EFS: variants seen among roughly 807,000 people sequenced by gnomAD.
EFS encodes embryonal Fyn-associated substrate.
In EFS, 34 loss-of-function variants were observed where a neutral mutation model predicts 42.2. The ratio of observed to expected loss-of-function variants is 0.81; its 90% confidence interval spans 0.61 to 1.07. The LOEUF (loss-of-function observed/expected upper bound fraction) is 1.07. Ranked by LOEUF, EFS falls within the 50% of genes least tolerant of loss-of-function variation. The probability of loss-of-function intolerance (pLI) is 0.00; values close to 1 mark genes in which losing one functional copy is unlikely to be tolerated. For synonymous variants in EFS, 299 were observed against 320.7 expected, an observed-to-expected ratio of 0.93 and a Z score of 0.72; for missense variants, 717 against 729.4, an observed-to-expected ratio of 0.98 and a Z score of 0.20.
rs768161511 is a variant in EFS at position 23,360,643 on chromosome 14, G to A, written c.209C>T (p.Pro70Leu). The A allele has an allele frequency of 2.2e-5, 35 of 1,611,452 alleles. No individual in the cohort carries two copies. The highest frequency in any genetic ancestry group is 2.2e-5 in the East Asian group (1 of 44,876). The stretch of plus-strand genomic sequence containing the variant: ...AGGAGAGAGGCTGGGCTTGGGTGCT[G>A]GGCCAGCAGGCAAGAGCTTCACCCT... The part of the protein sequence containing the change: ...ANRVKLLPAG[P>L]APKPSLSPAS... The change falls in exon 2 of 6, where the codon CCA (proline) becomes CTA (leucine). Residue 70 changes from proline to leucine, a missense_variant. Transcript: ENST00000216733.
rs372118594 is a variant in EFS at position 23,360,838 on chromosome 14, T to G, written c.19-5A>C. On this transcript the variant is annotated splice_polypyrimidine_tract_variant and splice_region_variant and intron_variant, in intron 1 of 5. Transcript: ENST00000216733. ...CAGTGCCCGGGCCAGCTGGGTCTGG[T>G]TGGGGAGGTGGGAGTGGGGAGAAGG... 2 of 1,606,798 alleles carry G rather than the reference T, an allele frequency of 1.2e-6. No homozygotes were observed. The highest frequency in any genetic ancestry group is 4.5e-5 in the East Asian group (2 of 44,776).
At position 23,358,904 on chromosome 14, in the gene EFS, A is replaced by C; in HGVS notation, c.1223T>G (p.Leu408Arg). 1 of 1,612,608 alleles carries C rather than the reference A, an allele frequency of 6.2e-7. No individual in the cohort carries two copies. The highest frequency in any genetic ancestry group is 8.5e-7 in the Non-Finnish European group (1 of 1,179,362). Reference sequence around the variant, plus strand: ...CGGCGCCGGCATCCCCCTCTCGGGCAGTTCAGGATCCCCTGTGCAGGCCTG... The same window carrying C: ...CGGCGCCGGCATCCCCCTCTCGGGCCGTTCAGGATCCCCTGTGCAGGCCTG... The part of the protein sequence containing the change: ...PDQACTGDPE[L>R]PERGMPAPQE... The change falls in exon 5 of 6, where the codon CTG becomes CGG. Residue 408 changes from leucine to arginine, a missense_variant. Physicochemically the swap from Leu to Arg is moderately radical, Grantham distance 102. Coordinates refer to ENST00000216733, the MANE Select transcript of EFS (RefSeq NM_005864.4).
intron 1 of EFS, among the ~76,000 whole-genome samples, chr14:23,364,202 C>T (rs562119490): frequency 6.6e-6 from 1 of 152,286 alleles, no homozygotes; most frequent in Non-Finnish European, 1.5e-5. Context: ...GGCTGTAGAG[C>T]GCTCCTCCCG....
Position 23,357,229 on chromosome 14 carries a change from T to C in EFS, c.1683A>G (p.Pro561=). 6.5e-7 allele frequency: 1 copy of C among 1,539,206 alleles called. No individual in the cohort carries two copies. Residue 561 remains proline (P), a synonymous_variant, in exon 6 of 6, where the codon CCA becomes CCG. Transcript: ENST00000216733. ...GCAGAGCTGTGCCAAAGGACCTTCATGGAGCCAGGCTAGTGAGCAGGGTAG... is the reference window on the plus strand; with the variant it reads ...GCAGAGCTGTGCCAAAGGACCTTCACGGAGCCAGGCTAGTGAGCAGGGTAG... ...QFTTLLTSLA[P]
chr14:23,360,298 A>G lies in EFS; in HGVS notation c.298-17T>C. The G allele has an allele frequency of 6.2e-7, 1 of 1,600,122 alleles. No individual in the cohort carries two copies. The highest frequency in any genetic ancestry group is 8.5e-7 in the Non-Finnish European group (1 of 1,173,184). On this transcript the variant is annotated splice_polypyrimidine_tract_variant and intron_variant, in intron 2 of 5. Coordinates refer to ENST00000216733, the MANE Select transcript of EFS (RefSeq NM_005864.4). ...CACATACACCTGAGGGATCAAATAG[A>G]TGGGGGGTCAGGAGGAACGGAGGGG...
At chr14:23,360,452 G>T in intron 2 of EFS, 103 bp downstream of exon 2, 1 of 1,488,340 alleles carries the variant, frequency 6.7e-7, no homozygotes, top group Non-Finnish European at 9.0e-7. Context: ...AAGAGCTGTG[G>T]CCTCAGGGCT....
In EFS at chr14:23,358,886, G is replaced by T; in HGVS notation, c.1241C>A (p.Pro414Gln). ...GDPELPERGM[P>Q]APQEALSPGE... ...TCCCGCCAGGGTCACCTGCGGCGCC[G>T]GCATCCCCCTCTCGGGCAGTTCAGG... Residue 414 changes from proline to glutamine, a missense_variant, in exon 5 of 6, where the codon CCG becomes CAG. By Grantham distance (76) the Pro-to-Gln change is moderately conservative. Transcript: ENST00000216733. 6.2e-7 allele frequency: 1 copy of T among 1,611,358 alleles called. No homozygotes were observed. The highest frequency in any genetic ancestry group is 8.5e-7 in the Non-Finnish European group (1 of 1,178,830).
Position 23,360,644 on chromosome 14 carries a change from G to A in EFS, c.208C>T (p.Pro70Ser). The A allele has an allele frequency of 6.2e-7, 1 of 1,611,750 alleles. No homozygotes were observed. Among genetic ancestry groups the A allele is most frequent in the African/African-American group, 1.3e-5 (1 of 75,014 alleles). Residue 70 changes from proline (P) to serine (S), a missense_variant, in exon 2 of 6, where the codon CCA (proline) becomes TCA (serine). By Grantham distance (74) the Pro-to-Ser change is moderately conservative. Coordinates refer to ENST00000216733, the MANE Select transcript of EFS (RefSeq NM_005864.4). ...ANRVKLLPAG[P>S]APKPSLSPAS... The stretch of plus-strand genomic sequence containing the variant: ...GGAGAGAGGCTGGGCTTGGGTGCTG[G>A]GCCAGCAGGCAAGAGCTTCACCCTG...
Position 23,356,743 on chromosome 14 carries a change from G to C in EFS, c.*483C>G, listed in dbSNP as rs890807046. The C allele has an allele frequency of 6.6e-6, 1 of 152,354 alleles. No homozygotes were observed. The highest frequency in any genetic ancestry group is 1.9e-4 in the East Asian group (1 of 5,188). 9.4% of individuals were successfully genotyped at this position (152,354 alleles called of 1,614,324 possible). A position where few individuals can be genotyped will look rare whatever the true frequency, so the allele number is the denominator to read the frequency against. On this transcript the variant is annotated 3_prime_UTR_variant, in exon 6 of 6. Coordinates refer to ENST00000216733, the MANE Select transcript of EFS (RefSeq NM_005864.4). ...CGCCTTCTGTGGGGAGAAGCCCTCC[G>C]GTCTTTCCGAGAACCTTCAAACTCT...
In EFS at chr14:23,357,138, T is replaced by C. The variant is rs1006731454; in HGVS notation, c.*88A>G. On this transcript the variant is annotated 3_prime_UTR_variant, in exon 6 of 6. Transcript: ENST00000216733. ...AGGGGAAAGATACCCCCATTTCTCC[T>C]AGTCCCTTAACAAAGCCTTCCAGCC... 35 of 1,297,918 alleles carry C rather than the reference T, an allele frequency of 2.7e-5. No homozygotes were observed. In the African/African-American group the frequency reaches 3.7e-4, roughly 14 times the overall value. 80.4% of individuals were successfully genotyped at this position (1,297,918 alleles called of 1,614,324 possible).
At position 23,358,962 on chromosome 14, in the gene EFS, T is replaced by C; in HGVS notation, c.1165A>G (p.Met389Val). The C allele has an allele frequency of 6.2e-7, 1 of 1,610,402 alleles. No individual in the cohort carries two copies. The highest frequency in any genetic ancestry group is 1.7e-5 in the Admixed American group (1 of 59,390). Residue 389 changes from methionine (M) to valine (V), a missense_variant, in exon 5 of 6, where the codon ATG becomes GTG. Coordinates refer to ENST00000216733, the MANE Select transcript of EFS (RefSeq NM_005864.4). ...GGCCTAGATCCCTGAGCTTTGTCCA[T>C]GCCCTGCAGGAGGGGATCAGGTCTC... ...EEYDYVHLKG[M>V]DKAQGSRPPD...
At chr14:23,361,128 CTATT>C (rs1485159228) in intron 1 of EFS, among the ~76,000 whole-genome samples, 1 of 152,206 alleles carries the variant, frequency 6.6e-6, no homozygotes, top group Non-Finnish European at 1.5e-5. Context: ...GTACTTTATA[CTATT>C]TGTCTATTTG....
At chr14:23,360,079 T>A (rs1566491449) in intron 3 of EFS, 40 bp from the exon 4 acceptor site, 1 of 1,614,070 alleles carries the variant, frequency 6.2e-7, no homozygotes, top group South Asian at 1.1e-5. Flanking sequence ...AGCTCAGCGA[T>A]GAACCCTCCC....
intron 1 of EFS, among the ~76,000 whole-genome samples, chr14:23,363,744 C>T (rs1890229169): frequency 6.6e-6 from 1 of 152,046 alleles, no homozygotes; most frequent in Non-Finnish European, 1.5e-5. Context: ...TTGAGACCAG[C>T]CTGGGCAACA....
rs376281121 is a variant in EFS, at chr14:23,360,054, G to C, written c.439-15C>G. On this transcript the variant is annotated splice_polypyrimidine_tract_variant and intron_variant, in intron 3 of 5. Coordinates refer to ENST00000216733, the MANE Select transcript of EFS (RefSeq NM_005864.4). ...ACATCGTAGACCTGCGGAAAGGAGTGGTCAGTCATCTGTCAGCTCAGCGAT... is the reference window on the plus strand; with the variant it reads ...ACATCGTAGACCTGCGGAAAGGAGTCGTCAGTCATCTGTCAGCTCAGCGAT... The C allele has an allele frequency of 1.7e-5, 27 of 1,613,710 alleles. No homozygotes were observed. The highest frequency in any genetic ancestry group is 2.3e-5 in the Non-Finnish European group (27 of 1,179,940).
At chr14:23,364,926 G>C in intron 1 of EFS, 82 bp downstream of exon 1, 1 of 1,187,150 alleles carries the variant, frequency 8.4e-7, no homozygotes, top group Non-Finnish European at 1.1e-6. Flanking sequence ...GAGACAAAGA[G>C]AGGGCAGAAA....
intron 1 of EFS, 57 bp downstream of exon 1, chr14:23,364,951 C>G (rs1372876831): frequency 5.6e-6 from 7 of 1,251,880 alleles, no homozygotes; most frequent in Non-Finnish European, 4.1e-6. Context: ...GTGACAGGAG[C>G]GCAGGGCAGG....
At chr14:23,361,080 C>G (rs892137226) in intron 1 of EFS, among the ~76,000 whole-genome samples, 1 of 152,206 alleles carries the variant, frequency 6.6e-6, no homozygotes, top group Non-Finnish European at 1.5e-5. Context: ...TCTCCCCGCC[C>G]CATTCTCTGT....
At position 23,359,748 on chromosome 14, in the gene EFS, C is replaced by A; in HGVS notation, c.730G>T (p.Glu244Ter). Residue 244 changes from glutamate to a stop codon, truncating the protein, a stop_gained, in exon 4 of 6, where the codon GAG (glutamate) becomes TAG (stop). Coordinates refer to ENST00000216733, the MANE Select transcript of EFS (RefSeq NM_005864.4). LOFTEE classifies it high-confidence loss of function. ...ATCCCCTCATCAGTGCCCCCGCCCTCCCCGTCTGCCAGCAGTTCCTCGGGT... is the reference window on the plus strand; with the variant it reads ...ATCCCCTCATCAGTGCCCCCGCCCTACCCGTCTGCCAGCAGTTCCTCGGGT... The part of the protein sequence containing the change: ...EAPEELLADG[E>*]GGGTDEGIYD... 5 of 1,515,812 alleles carry A rather than the reference C, an allele frequency of 3.3e-6. No individual in the cohort carries two copies. The highest frequency in any genetic ancestry group is 3.5e-6 in the Non-Finnish European group (4 of 1,133,746). The allele number at this position is 1,515,812 out of a possible 1,614,324, so 93.9% of individuals were successfully genotyped here. A position where few individuals can be genotyped will look rare whatever the true frequency, so the allele number is the denominator to read the frequency against.
Sources: allele counts gnomAD v4.1 joint callset (sites outside exome capture counted in the v4.1 genomes callset), GRCh38; gene constraint gnomAD v4.1.1; transcripts MANE v1.5; gene names NCBI Gene and HGNC (gene_info 2026-07-23, HGNC 2026-07-21).